Variants in SLC35F3 observed in about 807,000 individuals in gnomAD.
The protein encoded by SLC35F3 is solute carrier family 35 member F3.
In SLC35F3, 25 loss-of-function variants were observed where a neutral mutation model predicts 49.9. That is an observed-to-expected ratio of 0.50 (90% CI 0.37 to 0.70). The LOEUF (loss-of-function observed/expected upper bound fraction) is 0.70, where lower values mean the gene tolerates loss of function less well. Ranked by LOEUF, SLC35F3 falls within the 30% of genes least tolerant of loss-of-function variation. The pLI is 0.00. For synonymous variants in SLC35F3, 275 were observed against 265.4 expected (o/e 1.04, Z -0.35); for missense variants, 525 against 639.8 (o/e 0.82, Z 1.94).
Position 234,323,333 on chromosome 1 carries a change from A to C in SLC35F3, c.*90A>C, listed in dbSNP as rs1657678270. 3.5e-6 allele frequency: 4 copies of C among 1,149,744 alleles called. No individual in the cohort carries two copies. Among genetic ancestry groups the C allele is most frequent in the Non-Finnish European group, 5.0e-6 (4 of 806,208 alleles). The allele number at this position is 1,149,744 out of a possible 1,614,324, so 71.2% of individuals were successfully genotyped here. On this transcript the variant is annotated 3_prime_UTR_variant, in exon 8 of 8. Transcript: ENST00000366618. The surrounding 1 kb of genome is among the most constrained non-coding windows in gnomAD (Gnocchi z 4.5). ...TTGGGTAAGGTGTACATACCTGTACAGTTTTGGTCATCTGCGGTAAGTTCT... is the reference window on the plus strand; with the variant it reads ...TTGGGTAAGGTGTACATACCTGTACCGTTTTGGTCATCTGCGGTAAGTTCT...
Position 234,320,290 on chromosome 1 carries a change from A to G in SLC35F3, c.1237+103A>G, listed in dbSNP as rs1252326440. On this transcript the variant is annotated intron_variant, in intron 7 of 7. Coordinates refer to ENST00000366618, the MANE Select transcript of SLC35F3 (RefSeq NM_173508.4). This position sits in a 1 kb window ranked among gnomAD's most constrained non-coding sequence, Gnocchi z 4.8. Reference sequence around the variant, plus strand: ...CATGCATACATACACACTCACACATACACTCACATACACACACTCATGCAT... The same window carrying G: ...CATGCATACATACACACTCACACATGCACTCACATACACACACTCATGCAT... The G allele has an allele frequency of 5.2e-6, 4 of 762,786 alleles. No homozygotes were observed. The highest frequency in any genetic ancestry group is 9.3e-6 in the Non-Finnish European group (4 of 427,848). The allele number at this position is 762,786 out of a possible 1,614,324, so 47.3% of individuals were successfully genotyped here.
intron 3 of SLC35F3, among the ~76,000 whole-genome samples, chr1:234,301,698 C>A (rs1668694731): frequency 6.6e-6 from 1 of 152,160 alleles, no homozygotes; most frequent in Non-Finnish European, 1.5e-5. Context: ...AGTATATACA[C>A]AAAGGAATCT....
intron 3 of SLC35F3, among the ~76,000 whole-genome samples, chr1:234,296,259 G>C (rs1045773708): frequency 6.6e-6 from 1 of 151,624 alleles, no homozygotes; most frequent in Non-Finnish European, 1.5e-5. Context: ...CATCTCCTAC[G>C]TCCATCGCAA....
At chr1:234,067,261 G>T (rs1290760346) in intron 2 of SLC35F3, among the ~76,000 whole-genome samples, 1 of 152,094 alleles carries the variant, frequency 6.6e-6, no homozygotes, top group Non-Finnish European at 1.5e-5. Flanking sequence ...TATTTCTGAA[G>T]ATTTCAACGG....
At chr1:233,934,724 A>T (rs1440728079) in intron 2 of SLC35F3, among the ~76,000 whole-genome samples, 1 of 151,574 alleles carries the variant, frequency 6.6e-6, no homozygotes, top group Non-Finnish European at 1.5e-5. Flanking sequence ...AGATACCACT[A>T]TACAGGAGAT....
intron 2 of SLC35F3, among the ~76,000 whole-genome samples, chr1:233,923,501 T>A (rs1484281540): frequency 6.6e-6 from 1 of 152,254 alleles, no homozygotes; most frequent in Non-Finnish European, 1.5e-5. Flanking sequence ...TGATTTTGTA[T>A]CCTGAGACTT....
At chr1:233,948,216 A>T (rs1006258325) in intron 2 of SLC35F3, among the ~76,000 whole-genome samples, 4 of 141,700 alleles carry the variant, frequency 2.8e-5, no homozygotes, top group Admixed American at 1.4e-4. Flanking sequence ...AGAGAGGGAG[A>T]GAGGGAGAGA....
At chr1:233,913,785 A>G (rs1160832359) in intron 2 of SLC35F3, among the ~76,000 whole-genome samples, 3 of 152,126 alleles carry the variant, frequency 2.0e-5, no homozygotes, top group Non-Finnish European at 4.4e-5. Flanking sequence ...TTCAGTCTTC[A>G]CTTTAACCCT....
At chr1:234,137,351 T>C (rs1177004399) in intron 2 of SLC35F3, among the ~76,000 whole-genome samples, 2 of 152,132 alleles carry the variant, frequency 1.3e-5, no homozygotes, top group Non-Finnish European at 2.9e-5. Flanking sequence ...AGAGGCAAAG[T>C]GGTCAGGAAT....
At chr1:234,024,796 T>C (rs1663953174) in intron 2 of SLC35F3, among the ~76,000 whole-genome samples, 1 of 152,154 alleles carries the variant, frequency 6.6e-6, no homozygotes, top group African/African-American at 2.4e-5. Context: ...TACTGCCACA[T>C]TGGGGATTTA....
intron 3 of SLC35F3, among the ~76,000 whole-genome samples, chr1:234,254,069 T>C (rs1667780236): frequency 6.6e-6 from 1 of 152,154 alleles, no homozygotes; most frequent in African/African-American, 2.4e-5. Flanking sequence ...GTGGGAAAAA[T>C]TATTCTCTCG....
chr1:234,182,260 C>T (rs1483855856), intron 2 of SLC35F3, among the ~76,000 whole-genome samples: 1 of 152,192 alleles, frequency 6.6e-6, no homozygotes, highest in Non-Finnish European at 1.5e-5. Context: ...AGTTAGATCA[C>T]TTCCTTTTGA....
At chr1:234,287,184 G>A (rs1189577802) in intron 3 of SLC35F3, among the ~76,000 whole-genome samples, 1 of 152,122 alleles carries the variant, frequency 6.6e-6, no homozygotes, top group East Asian at 1.9e-4. Context: ...GGGCAACAGA[G>A]TGAGACCCTA....
At chr1:233,955,878 C>CTTTTTT (rs869035917) in intron 2 of SLC35F3, among the ~76,000 whole-genome samples, 1 of 48,104 alleles carries the variant, frequency 2.1e-5, no homozygotes, top group Non-Finnish European at 3.6e-5. Context: ...GTGTGGGTAT[C>CTTTTTT]TTTTTTTTTT....
chr1:234,265,254 C>A (rs1667962702), intron 3 of SLC35F3, among the ~76,000 whole-genome samples: 1 of 152,202 alleles, frequency 6.6e-6, no homozygotes. Flanking sequence ...ACAATCCTCC[C>A]CACCTTGAAT....
chr1:234,309,051 C>A, intron 3 of SLC35F3, 50 bp from the exon 4 acceptor site: 1 of 1,454,478 alleles, frequency 6.9e-7, no homozygotes, highest in South Asian at 1.2e-5. Context: ...AATAAATGGT[C>A]TGTCTGAACC....
chr1:234,141,691 G>A (rs1251291644), intron 2 of SLC35F3, among the ~76,000 whole-genome samples: 1 of 152,140 alleles, frequency 6.6e-6, no homozygotes, highest in Non-Finnish European at 1.5e-5. Context: ...TATCTTTGGA[G>A]AACTCGCTTC....
rs149953909 is a variant in SLC35F3, at chr1:234,207,938, G to A, written c.284-23479G>A. Reference sequence around the variant, plus strand: ...GTGGAAAGATTGCTTGAGCCTAGGAGTTCAAGGCTGCAGTGAGCTGTGATC... The same window carrying A: ...GTGGAAAGATTGCTTGAGCCTAGGAATTCAAGGCTGCAGTGAGCTGTGATC... On this transcript the variant is annotated intron_variant, in intron 2 of 7. Transcript: ENST00000366618. 3.8e-3 allele frequency among the ~76,000 whole-genome samples: 584 copies of A among 152,348 alleles called. 5 individuals are homozygous for A. Among genetic ancestry groups the A allele is most frequent in the African/African-American group, 0.013 (555 of 41,572 alleles).
intron 3 of SLC35F3, among the ~76,000 whole-genome samples, chr1:234,266,026 C>T (rs555501611): frequency 1.1e-4 from 16 of 152,284 alleles, no homozygotes; most frequent in African/African-American, 3.9e-4. Flanking sequence ...CAGTCCCACT[C>T]CCTCTCTCCT....
Sources: gnomAD v4.1 joint callset for allele counts (sites outside exome capture counted in the v4.1 genomes callset) on GRCh38, gnomAD v4.1.1 for gene constraint, Gnocchi (gnomAD v3.1) non-coding constraint, MANE v1.5 for transcripts, NCBI Gene and HGNC (gene_info 2026-07-23, HGNC 2026-07-21) for gene names.